The following DNAH7 variants were observed in gnomAD, a reference collection of about 807,000 sequenced individuals.
The protein encoded by DNAH7 is dynein axonemal heavy chain 7, also known as axonemal beta dynein heavy chain 7.
Under a neutral mutation model 444.6 loss-of-function variants are expected in DNAH7, and 397 were observed. The observed-to-expected ratio is 0.89, with a 90% CI of 0.82 to 0.97. The LOEUF (loss-of-function observed/expected upper bound fraction) is 0.97, where lower values mean the gene tolerates loss of function less well. Among genes scored for constraint, DNAH7 ranks in the 50% least tolerant of loss-of-function variants. DNAH7 has a pLI of 0.00. For synonymous variants in DNAH7, 1,636 were observed against 1,624.4 expected (o/e 1.01, Z -0.17); for missense variants, 4,902 against 4,800.8 (o/e 1.02, Z -0.62).
Position 196,026,858 on chromosome 2 carries a change from T to C in DNAH7, c.569A>G (p.Asp190Gly). 1 of 1,612,516 alleles carries C rather than the reference T, an allele frequency of 6.2e-7. No individual in the cohort carries two copies. The highest frequency in any genetic ancestry group is 8.5e-7 in the Non-Finnish European group (1 of 1,178,848). ...GACTTTCAGATGTTGTGGAACTAAA[T>C]CCAGTACGTGTTCTAGCCAAGAATC... Reference protein sequence around the residue: ...MEDSWLEHVLDLVPQHLKVFT... With the variant: ...MEDSWLEHVLGLVPQHLKVFT... Residue 190 changes from aspartate (D) to glycine (G), a missense_variant, in exon 7 of 65, where the codon GAT (aspartate) becomes GGT (glycine). By Grantham distance (94) the Asp-to-Gly change is moderately conservative. Transcript: ENST00000312428.
At chr2:195,912,202 A>G (rs760659150) in intron 24 of DNAH7, among the ~76,000 whole-genome samples, 26 of 152,294 alleles carry the variant, frequency 1.7e-4, no homozygotes, top group Non-Finnish European at 1.3e-4. Context: ...GGTGGAAGAA[A>G]GAGCAGCACT....
At chr2:195,779,659 A>G (rs1695279396) in intron 58 of DNAH7, among the ~76,000 whole-genome samples, 1 of 151,754 alleles carries the variant, frequency 6.6e-6, no homozygotes, top group Admixed American at 6.6e-5. Context: ...CCCAGGCTGG[A>G]GTACAGTGGT....
At chr2:196,000,066 G>A (rs1693939874) in intron 12 of DNAH7, among the ~76,000 whole-genome samples, 1 of 152,182 alleles carries the variant, frequency 6.6e-6, no homozygotes, top group Admixed American at 6.5e-5. Flanking sequence ...CAATTTAGGT[G>A]TTAACTTTAT....
chr2:195,947,526 G>A (rs1382635838), intron 19 of DNAH7, among the ~76,000 whole-genome samples: 1 of 152,024 alleles, frequency 6.6e-6, no homozygotes, highest in Non-Finnish European at 1.5e-5. Context: ...TCCCATTTAT[G>A]AGTGAGAACA....
chr2:195,926,936 T>C (rs1213427889), intron 21 of DNAH7, among the ~76,000 whole-genome samples: 2 of 152,052 alleles, frequency 1.3e-5, no homozygotes, highest in Non-Finnish European at 2.9e-5. Flanking sequence ...ATGAGATCCA[T>C]CAAATTTATA....
At chr2:196,060,605 C>G (rs1305837039) in intron 1 of DNAH7, among the ~76,000 whole-genome samples, 1 of 152,208 alleles carries the variant, frequency 6.6e-6, no homozygotes, top group Admixed American at 6.5e-5. Context: ...CACTAGTATG[C>G]AAACATGTTA....
chr2:196,048,871 A>T (rs1373951132), intron 3 of DNAH7, among the ~76,000 whole-genome samples: 1 of 152,204 alleles, frequency 6.6e-6, no homozygotes, highest in African/African-American at 2.4e-5. Flanking sequence ...CAATTTTGGC[A>T]GGTGTCATAA....
At position 195,948,263 on chromosome 2, in the gene DNAH7, T is replaced by C. The variant is rs1160938403; in HGVS notation, c.3078+8998A>G. Among the ~76,000 whole-genome samples, 4 of 152,224 alleles carry C rather than the reference T, an allele frequency of 2.6e-5. No homozygotes were observed. In the East Asian group the frequency reaches 7.7e-4, roughly 29 times the overall value. Reference sequence around the variant, plus strand: ...GACTGCCTGTTTACTCTGATGATAGTTTATTTTGCTGTGCAGAAGCTCTTT... The same window carrying C: ...GACTGCCTGTTTACTCTGATGATAGCTTATTTTGCTGTGCAGAAGCTCTTT... On this transcript the variant is annotated intron_variant, in intron 19 of 64. Coordinates refer to ENST00000312428, the MANE Select transcript of DNAH7 (RefSeq NM_018897.3).
chr2:196,005,385 T>C (rs1046754970), intron 10 of DNAH7, among the ~76,000 whole-genome samples: 4 of 151,280 alleles, frequency 2.6e-5, no homozygotes, highest in African/African-American at 9.7e-5. Context: ...AACAAAAAAA[T>C]ATTGAATAGA....
chr2:195,812,613 C>T (rs75844448), intron 51 of DNAH7, among the ~76,000 whole-genome samples: 4,801 of 152,062 alleles, frequency 0.032, 93 homozygotes, highest in Middle Eastern at 0.054. Flanking sequence ...CCATACTAGT[C>T]GTAACATAAT....
chr2:196,049,924 A>G (rs2125858586), intron 3 of DNAH7, among the ~76,000 whole-genome samples: 1 of 152,352 alleles, frequency 6.6e-6, no homozygotes, highest in Middle Eastern at 3.4e-3. Context: ...GAAAATTAAG[A>G]GGGATTTTGC....
In DNAH7 at chr2:195,872,320, T is replaced by C; in HGVS notation, c.6563A>G (p.Gln2188Arg). 1 of 1,613,978 alleles carries C rather than the reference T, an allele frequency of 6.2e-7. No homozygotes were observed. The highest frequency in any genetic ancestry group is 8.5e-7 in the Non-Finnish European group (1 of 1,179,940). The part of the protein sequence containing the change: ...FNLRDFSRVI[Q>R]GVCLSRPETT... ...TTCTGGTCTTGACAAACAAACACCT[T>C]GAATGACACGGGAGAAATCACGGAG... Residue 2188 changes from glutamine to arginine, a missense_variant, in exon 40 of 65, where the codon CAA becomes CGA. Gln to Arg is a conservative substitution (Grantham distance 43). Coordinates refer to ENST00000312428, the MANE Select transcript of DNAH7 (RefSeq NM_018897.3).
Position 195,910,186 on chromosome 2 carries a change from A to C in DNAH7, c.3945T>G (p.Phe1315Leu). Reference protein sequence around the residue: ...PLTDRCYRTLFGALHLHLGGA... With the variant: ...PLTDRCYRTLLGALHLHLGGA... ...CTCCAAGGTGCAAATGAAGGGCTCC[A>C]AATAAGGTTCTGAAACATATGAAAT... Residue 1315 changes from phenylalanine to leucine, a missense_variant, in exon 25 of 65, where the codon TTT (phenylalanine) becomes TTG (leucine). Physicochemically the swap from Phe to Leu is conservative, Grantham distance 22. Coordinates refer to ENST00000312428, the MANE Select transcript of DNAH7 (RefSeq NM_018897.3). The C allele has an allele frequency of 6.2e-7, 1 of 1,608,930 alleles. No homozygotes were observed. The highest frequency in any genetic ancestry group is 8.5e-7 in the Non-Finnish European group (1 of 1,177,818).
chr2:195,831,441 CA>C (rs1382540799), intron 48 of DNAH7, among the ~76,000 whole-genome samples: 8 of 152,192 alleles, frequency 5.3e-5, no homozygotes, highest in African/African-American at 1.9e-4. Context: ...GACAATAGAT[CA>C]AAAGCCACTG....
chr2:195,809,736 A>G lies in DNAH7; in HGVS notation c.9888+9T>C, dbSNP rs2124858809. 2.6e-6 allele frequency: 4 copies of G among 1,552,380 alleles called. No homozygotes were observed. Among genetic ancestry groups the G allele is most frequent in the Non-Finnish European group, 3.5e-6 (4 of 1,153,148 alleles). On this transcript the variant is annotated intron_variant, in intron 52 of 64. Transcript: ENST00000312428. ...GGGTTTTTTTCTTACAAATGAAAAC[A>G]GTACTGACCGCCCGCTCATGCAGCA...
At chr2:195,989,982 A>C (rs1194338451) in intron 12 of DNAH7, among the ~76,000 whole-genome samples, 1 of 152,238 alleles carries the variant, frequency 6.6e-6, no homozygotes, top group Non-Finnish European at 1.5e-5. Context: ...TAGCGATACA[A>C]GAATGACCTG....
Position 195,753,721 on chromosome 2 carries a change from A to T in DNAH7, c.11764+616T>A, listed in dbSNP as rs1477512897. ...TTAAAATCGTGGCCTTGTCCACTAAATTTGAAATAAAATATCAGGGTAGCC... is the reference window on the plus strand; with the variant it reads ...TTAAAATCGTGGCCTTGTCCACTAATTTTGAAATAAAATATCAGGGTAGCC... On this transcript the variant is annotated intron_variant, in intron 63 of 64. Coordinates refer to ENST00000312428, the MANE Select transcript of DNAH7 (RefSeq NM_018897.3). Among the ~76,000 whole-genome samples, 6 of 152,366 alleles carry T rather than the reference A, an allele frequency of 3.9e-5. No individual in the cohort carries two copies. In the East Asian group the frequency reaches 5.8e-4, roughly 15 times the overall value.
At chr2:195,817,050 T>C (rs1421327634) in intron 50 of DNAH7, 87 bp from the exon 51 acceptor site, 14 of 974,830 alleles carry the variant, frequency 1.4e-5, no homozygotes, top group Non-Finnish European at 2.1e-5. Context: ...AACAAAGAAC[T>C]TGTAACCTAA....
At chr2:195,917,237 G>A (rs1311608875) in intron 24 of DNAH7, among the ~76,000 whole-genome samples, 3 of 151,712 alleles carry the variant, frequency 2.0e-5, no homozygotes, top group Non-Finnish European at 4.4e-5. Flanking sequence ...CAGGAGTTGG[G>A]CAAGTGGGCT....
Sources: allele counts gnomAD v4.1 joint callset (sites outside exome capture counted in the v4.1 genomes callset), GRCh38; gene constraint gnomAD v4.1.1; transcripts MANE v1.5; gene names NCBI Gene and HGNC (gene_info 2026-07-23, HGNC 2026-07-21).